The following ARFGAP3 variants were observed in gnomAD, a reference collection of about 807,000 sequenced individuals.
ARFGAP3 encodes ADP-ribosylation factor GTPase-activating protein 3.
In ARFGAP3, 72 loss-of-function variants were observed where a neutral mutation model predicts 75.0. That is an observed-to-expected ratio of 0.96 (90% confidence interval 0.79 to 1.17). The LOEUF (loss-of-function observed/expected upper bound fraction) is 1.17, where lower values mean the gene tolerates loss of function less well. Among genes scored for constraint, ARFGAP3 ranks in the 50% most tolerant of loss-of-function variants. The pLI, the probability that ARFGAP3 is intolerant of heterozygous loss-of-function variation, is 0.00. For missense variants in ARFGAP3, 620 were observed against 626.6 expected (o/e 0.99, Z 0.11); for synonymous variants, 221 against 217.9 (o/e 1.01, Z -0.13).
At chr22:42,850,052 ATTACTAGCCC>A (rs1927205641) in intron 1 of ARFGAP3, among the ~76,000 whole-genome samples, 1 of 152,184 alleles carries the variant, frequency 6.6e-6, no homozygotes, top group Non-Finnish European at 1.5e-5. Flanking sequence ...CAGCTCAAAA[ATTACTAGCCC>A]CTTCAACACT....
chr22:42,836,562 A>G (rs1926530087), intron 3 of ARFGAP3, among the ~76,000 whole-genome samples: 1 of 152,236 alleles, frequency 6.6e-6, no homozygotes, highest in African/African-American at 2.4e-5. Context: ...TATAGGTAAG[A>G]TGATAAAACA....
At chr22:42,854,591 C>T (rs1927418421) in intron 1 of ARFGAP3, among the ~76,000 whole-genome samples, 1 of 151,588 alleles carries the variant, frequency 6.6e-6, no homozygotes, top group Non-Finnish European at 1.5e-5. Context: ...CACCACTGCA[C>T]TCCAGACTGG....
intron 14 of ARFGAP3, among the ~76,000 whole-genome samples, chr22:42,804,185 G>T (rs8135114): frequency 0.039 from 5,837 of 151,174 alleles, 158 homozygotes; most frequent in African/African-American, 0.074. Flanking sequence ...TTATAGGGGT[G>T]AGCCACCAAG....
Position 42,803,757 on chromosome 22 carries a change from G to A in ARFGAP3, c.1411+3316C>T, listed in dbSNP as rs566788819. On this transcript the variant is annotated intron_variant, in intron 14 of 15. Coordinates refer to ENST00000263245, the MANE Select transcript of ARFGAP3 (RefSeq NM_014570.5). ...TCAGCTACAGTGAAAGAGAGTGCCC[G>A]TAAGAACGGCCGCAGGTCTCCTGGG... 1.5e-3 allele frequency among the ~76,000 whole-genome samples: 222 copies of A among 152,184 alleles called. 1 individual carries two copies. Among genetic ancestry groups the A allele is most frequent in the African/African-American group, 2.2e-3 (91 of 41,442 alleles).
At chr22:42,850,852 GAC>G (rs1316468148) in intron 1 of ARFGAP3, among the ~76,000 whole-genome samples, 2 of 152,234 alleles carry the variant, frequency 1.3e-5, no homozygotes, top group African/African-American at 4.8e-5. Flanking sequence ...CTGTATGTCA[GAC>G]ATGTGACAGG....
intron 2 of ARFGAP3, among the ~76,000 whole-genome samples, chr22:42,845,703 A>G (rs928867934): frequency 1.3e-5 from 2 of 152,192 alleles, no homozygotes; most frequent in African/African-American, 4.8e-5. Context: ...AATGAATCAA[A>G]GACTTAAAGG....
rs1602125351 is a variant in ARFGAP3 at position 42,840,957 on chromosome 22, C to A, written c.248G>T (p.Gly83Val). The A allele has an allele frequency of 6.2e-7, 1 of 1,614,148 alleles. No homozygotes were observed. Among genetic ancestry groups the A allele is most frequent in the East Asian group, 2.2e-5 (1 of 44,886 alleles). Residue 83 changes from glycine (G) to valine (V), a missense_variant, in exon 3 of 16, where the codon GGA (glycine) becomes GTA (valine). Coordinates refer to ENST00000263245, the MANE Select transcript of ARFGAP3 (RefSeq NM_014570.5). The part of the protein sequence containing the change: ...WFQLRCMQVG[G>V]NASASSFFHQ... ...AGATGAACTTACTGCACTAGCGTTT[C>A]CTCCGACTTGCATGCATCGCAACTG...
In ARFGAP3 at chr22:42,797,091, T is replaced by C. The variant is rs1442142713; in HGVS notation, c.*497A>G. 2 of 153,224 alleles carry C rather than the reference T, an allele frequency of 1.3e-5. No homozygotes were observed. The highest frequency in any genetic ancestry group is 2.9e-5 in the Non-Finnish European group (2 of 68,806). The allele number at this position is 153,224 out of a possible 1,614,324, so 9.5% of individuals were successfully genotyped here. Reference sequence around the variant, plus strand: ...ATATTATTTGGCAGTCACCTTACTATGTAGAAACATAAATGAAGCAATCTG... The same window carrying C: ...ATATTATTTGGCAGTCACCTTACTACGTAGAAACATAAATGAAGCAATCTG... On this transcript the variant is annotated 3_prime_UTR_variant, in exon 16 of 16. Coordinates refer to ENST00000263245, the MANE Select transcript of ARFGAP3 (RefSeq NM_014570.5).
intron 3 of ARFGAP3, among the ~76,000 whole-genome samples, chr22:42,836,364 C>A (rs1246039139): frequency 6.6e-6 from 1 of 152,054 alleles, no homozygotes; most frequent in East Asian, 1.9e-4. Context: ...GCCTCCAACT[C>A]CTGGATTCAA....
At chr22:42,846,813 G>A (rs930178467) in intron 2 of ARFGAP3, among the ~76,000 whole-genome samples, 4 of 152,196 alleles carry the variant, frequency 2.6e-5, no homozygotes, top group East Asian at 1.9e-4. Context: ...TTGTACTGCC[G>A]AATTATTAGA....
At chr22:42,807,703 C>A (rs1403028393) in intron 13 of ARFGAP3, among the ~76,000 whole-genome samples, 2 of 152,072 alleles carry the variant, frequency 1.3e-5, no homozygotes, top group Non-Finnish European at 2.9e-5. Flanking sequence ...GGCACACTAG[C>A]AATTCAGGAT....
chr22:42,802,317 G>A (rs1439392914), intron 14 of ARFGAP3, among the ~76,000 whole-genome samples: 30 of 151,122 alleles, frequency 2.0e-4, no homozygotes, highest in African/African-American at 6.6e-4. Flanking sequence ...ACAGAGTCTC[G>A]CTGTGTCACC....
At chr22:42,854,211 A>G (rs1253501927) in intron 1 of ARFGAP3, among the ~76,000 whole-genome samples, 1 of 152,106 alleles carries the variant, frequency 6.6e-6, no homozygotes, top group African/African-American at 2.4e-5. Context: ...CATACCTTTC[A>G]TGCTCTACAC....
intron 13 of ARFGAP3, chr22:42,807,372 C>G: frequency 3.9e-6 from 2 of 511,432 alleles, no homozygotes; most frequent in Non-Finnish European, 5.0e-6. Context: ...GCAGACTGAT[C>G]AACATACAAC....
At chr22:42,838,879 G>A (rs539728641) in intron 3 of ARFGAP3, among the ~76,000 whole-genome samples, 1 of 152,220 alleles carries the variant, frequency 6.6e-6, no homozygotes, top group South Asian at 2.1e-4. Context: ...GGGAGGCTGA[G>A]GCGGGCGGAT....
intron 11 of ARFGAP3, among the ~76,000 whole-genome samples, chr22:42,815,274 C>A (rs1925526840): frequency 6.6e-6 from 1 of 152,232 alleles, no homozygotes. Flanking sequence ...TATTTACATA[C>A]CTTTAAAAGG....
chr22:42,835,353 G>C lies in ARFGAP3; in HGVS notation c.393+9C>G, dbSNP rs1926471819. 1 of 1,613,040 alleles carries C rather than the reference G, an allele frequency of 6.2e-7. No homozygotes were observed. The highest frequency in any genetic ancestry group is 8.5e-7 in the Non-Finnish European group (1 of 1,179,590). ...TCTAAAGGAAACAATCCAGCCTCCAGTGACTTACATCAGTGCCATGCTTCC... is the reference window on the plus strand; with the variant it reads ...TCTAAAGGAAACAATCCAGCCTCCACTGACTTACATCAGTGCCATGCTTCC... On this transcript the variant is annotated intron_variant, in intron 4 of 15. Transcript: ENST00000263245.
chr22:42,823,710 A>T lies in ARFGAP3; in HGVS notation c.626-8T>A. 6.5e-7 allele frequency: 1 copy of T among 1,549,440 alleles called. No homozygotes were observed. ...TTATGATAGAGGATACCTCTGCCAA[A>T]AAATAAAAATTAAAAAGTAAGACCA... On this transcript the variant is annotated splice_polypyrimidine_tract_variant and splice_region_variant and intron_variant, in intron 7 of 15. Coordinates refer to ENST00000263245, the MANE Select transcript of ARFGAP3 (RefSeq NM_014570.5).
intron 14 of ARFGAP3, among the ~76,000 whole-genome samples, chr22:42,803,900 C>CT (rs11289963): frequency 0.012 from 1,402 of 119,656 alleles, 25 homozygotes; most frequent in Non-Finnish European, 0.016. Flanking sequence ...CCTCCTTCCT[C>CT]TTTTTTTTTT....
Sources: allele counts gnomAD v4.1 joint callset (sites outside exome capture counted in the v4.1 genomes callset), GRCh38; gene constraint gnomAD v4.1.1; transcripts MANE v1.5; gene names NCBI Gene and HGNC (gene_info 2026-07-23, HGNC 2026-07-21).